The following ZFYVE16 variants were observed in gnomAD, a reference collection of about 807,000 sequenced individuals.
The protein encoded by ZFYVE16 is zinc finger FYVE domain-containing protein 16.
Under a neutral mutation model 138.1 loss-of-function variants are expected in ZFYVE16, and 89 were observed. That is an observed-to-expected ratio of 0.64 (90% confidence interval 0.54 to 0.77). The LOEUF is 0.77. Ranked by LOEUF, ZFYVE16 falls within the 30% of genes least tolerant of loss-of-function variation. ZFYVE16 has a pLI of 0.00. For missense variants in ZFYVE16, 1,793 were observed against 1,786.7 expected, an observed-to-expected ratio of 1.00 and a Z score of -0.06; for synonymous variants, 596 against 618.3, an observed-to-expected ratio of 0.96 and a Z score of 0.53.
Position 80,439,928 on chromosome 5 carries a change from C to A in ZFYVE16, c.2323-8C>A. The A allele has an allele frequency of 1.3e-6, 2 of 1,599,992 alleles. No individual in the cohort carries two copies. Among genetic ancestry groups the A allele is most frequent in the Non-Finnish European group, 1.7e-6 (2 of 1,172,560 alleles). ...ACAAAGACAAATTTGATATTTTATT[C>A]TTTATAGGTATTTTGTGGTGTCTGT... On this transcript the variant is annotated splice_polypyrimidine_tract_variant and splice_region_variant and intron_variant, in intron 4 of 18. Transcript: ENST00000505560.
rs1305471456 is a variant in ZFYVE16, at chr5:80,438,479, A to G, written c.1794A>G (p.Ile598Met). 6.2e-7 allele frequency: 1 copy of G among 1,613,574 alleles called. No individual in the cohort carries two copies. Among genetic ancestry groups the G allele is most frequent in the Non-Finnish European group, 8.5e-7 (1 of 1,179,846 alleles). Residue 598 changes from isoleucine (I) to methionine (M), a missense_variant, in exon 4 of 19, where the codon ATA becomes ATG. By Grantham distance (10) the Ile-to-Met change is conservative. This residue lies in a region of ZFYVE16 where 1,295 missense variants were observed against 1,204.3 expected (regional missense o/e 1.08). Transcript: ENST00000505560. Reference sequence around the variant, plus strand: ...ATGGTATTAATATAATTTGTGAAATAGTTGATAAACAAAATACAATAGAAA... The same window carrying G: ...ATGGTATTAATATAATTTGTGAAATGGTTGATAAACAAAATACAATAGAAA... ...ESHGINIICE[I>M]VDKQNTIENG...
chr5:80,440,022 T>G lies in ZFYVE16; in HGVS notation c.2409T>G (p.Thr803=). 6.2e-7 allele frequency: 1 copy of G among 1,607,954 alleles called. No individual in the cohort carries two copies. The highest frequency in any genetic ancestry group is 8.5e-7 in the Non-Finnish European group (1 of 1,177,134). ...GAGTATGTGTAGTCTGCTATGAAAC[T>G]ATTAGTAAAGGTGAGTATTAACTTG... ...EARVCVVCYE[T]ISKAQAFERM... is the part of the protein sequence containing the mutation. Residue 803 remains threonine, a synonymous_variant, in exon 5 of 19, where the codon ACT becomes ACG. Coordinates refer to ENST00000505560, the MANE Select transcript of ZFYVE16 (RefSeq NM_001284236.3).
At chr5:80,462,570 C>G (rs1377062958) in intron 15 of ZFYVE16, among the ~76,000 whole-genome samples, 53 of 152,188 alleles carry the variant, frequency 3.5e-4, no homozygotes. Flanking sequence ...GGACACAAAG[C>G]CTAACTATAT....
intron 13 of ZFYVE16, 89 bp from the exon 14 acceptor site, chr5:80,456,856 T>C: frequency 7.1e-7 from 1 of 1,412,448 alleles, no homozygotes; most frequent in Non-Finnish European, 9.4e-7. Flanking sequence ...TTGATAATTA[T>C]GAAGCTGGCC....
chr5:80,464,191 T>G (rs1443917024), intron 15 of ZFYVE16, among the ~76,000 whole-genome samples: 1 of 152,136 alleles, frequency 6.6e-6, no homozygotes, highest in Non-Finnish European at 1.5e-5. Flanking sequence ...TAGTCTGTTC[T>G]CATGCTGCTA....
At chr5:80,414,515 C>CA (rs1745919655) in intron 1 of ZFYVE16, among the ~76,000 whole-genome samples, 1 of 152,162 alleles carries the variant, frequency 6.6e-6, no homozygotes, top group South Asian at 2.1e-4. Context: ...CTTGCATGGT[C>CA]AACCATTTTT....
In ZFYVE16 at chr5:80,438,765, A is replaced by G. The variant is rs777405725; in HGVS notation, c.2080A>G (p.Thr694Ala). 5.0e-6 allele frequency: 8 copies of G among 1,614,008 alleles called. No homozygotes were observed. The South Asian group carries it at 8.8e-5, about 18-fold the overall frequency. ...TCCAATCACTTGTGCTATAGATTCT[A>G]CAGCTGATCCACAGGTTAGCTTCAA... is the stretch of plus-strand genomic sequence containing the variant. Reference protein sequence around the residue: ...VVPITCAIDSTADPQVSFNSN... With the variant: ...VVPITCAIDSAADPQVSFNSN... The change falls in exon 4 of 19, where the codon ACA (threonine) becomes GCA (alanine). Residue 694 changes from threonine (T) to alanine (A), a missense_variant. Physicochemically the swap from Thr to Ala is moderately conservative, Grantham distance 58. Around this residue, in one of 2 missense-constraint regions of ZFYVE16, gnomAD observed 1,295 missense variants for 1,204.3 expected, o/e 1.08. Transcript: ENST00000505560.
chr5:80,437,274 C>A lies in ZFYVE16; in HGVS notation c.589C>A (p.Gln197Lys), dbSNP rs1750063860. The stretch of plus-strand genomic sequence containing the variant: ...ACAGAATGATATCAGTTCTGAATTA[C>A]AAAATAGAGAAATCGGAGGAATCAA... ...EQQNDISSEL[Q>K]NREIGGIKEL... The change falls in exon 4 of 19, where the codon CAA becomes AAA. Residue 197 changes from glutamine (Q) to lysine (K), a missense_variant. Physicochemically the swap from Gln to Lys is moderately conservative, Grantham distance 53 (BLOSUM62 1). This residue lies in a region of ZFYVE16 where 1,295 missense variants were observed against 1,204.3 expected (regional missense o/e 1.08). Transcript: ENST00000505560. The A allele has an allele frequency of 6.2e-7, 1 of 1,610,518 alleles. No homozygotes were observed. Among genetic ancestry groups the A allele is most frequent in the African/African-American group, 1.3e-5 (1 of 74,732 alleles).
intron 3 of ZFYVE16, among the ~76,000 whole-genome samples, chr5:80,434,501 A>G (rs186215407): frequency 4.6e-5 from 7 of 152,164 alleles, no homozygotes; most frequent in Non-Finnish European, 7.4e-5. Context: ...TTTTGAGACA[A>G]AGTCTCATTC....
intron 18 of ZFYVE16, among the ~76,000 whole-genome samples, chr5:80,476,226 C>T (rs918215422): frequency 1.3e-5 from 2 of 152,132 alleles, no homozygotes; most frequent in South Asian, 2.1e-4. Context: ...TGTGAGCCAC[C>T]GCACCTGGCC....
chr5:80,424,466 CTT>C (rs70988471), intron 1 of ZFYVE16, among the ~76,000 whole-genome samples: 6 of 144,832 alleles, frequency 4.1e-5, no homozygotes, highest in Admixed American at 1.4e-4. Flanking sequence ...CTCCAAATTC[CTT>C]TTTTTTTTTT....
chr5:80,416,185 G>A (rs182459039), intron 1 of ZFYVE16, among the ~76,000 whole-genome samples: 1 of 151,544 alleles, frequency 6.6e-6, no homozygotes, highest in East Asian at 1.9e-4. Flanking sequence ...TTTTGCGTGG[G>A]AGATTTGTCT....
intron 2 of ZFYVE16, among the ~76,000 whole-genome samples, chr5:80,433,283 T>G (rs964938921): frequency 6.6e-6 from 1 of 152,232 alleles, no homozygotes; most frequent in Admixed American, 6.5e-5. Context: ...TCATGTCATT[T>G]GTAGGGACAT....
chr5:80,438,873 A>G lies in ZFYVE16; in HGVS notation c.2188A>G (p.Thr730Ala), dbSNP rs1750327869. Reference sequence around the variant, plus strand: ...AAATGAAGATTCTGTACCTGAAAACACTTGCAAAGAAGGCTTGGTTTTGGG... The same window carrying G: ...AAATGAAGATTCTGTACCTGAAAACGCTTGCAAAGAAGGCTTGGTTTTGGG... ...TANEDSVPEN[T>A]CKEGLVLGQK... The change falls in exon 4 of 19, where the codon ACT becomes GCT. Residue 730 changes from threonine to alanine, a missense_variant. Physicochemically the swap from Thr to Ala is moderately conservative, Grantham distance 58. Transcript: ENST00000505560. 6.2e-7 allele frequency: 1 copy of G among 1,613,996 alleles called. No homozygotes were observed. Among genetic ancestry groups the G allele is most frequent in the Admixed American group, 1.7e-5 (1 of 59,994 alleles).
Position 80,438,914 on chromosome 5 carries a change from T to C in ZFYVE16, c.2229T>C (p.Thr743=). 1 of 1,614,098 alleles carries C rather than the reference T, an allele frequency of 6.2e-7. No individual in the cohort carries two copies. The highest frequency in any genetic ancestry group is 8.5e-7 in the Non-Finnish European group (1 of 1,179,958). The change falls in exon 4 of 19, where the codon ACT becomes ACC. Residue 743 remains threonine, a synonymous_variant. Transcript: ENST00000505560. ...TGGTTTTGGGCCAGAAACAGCCTAC[T>C]TGGGTTCCTGATTCAGAAGCTCCAA... The part of the protein sequence containing the change: ...EGLVLGQKQP[T]WVPDSEAPNC...
chr5:80,422,830 G>A (rs556465876), intron 1 of ZFYVE16, among the ~76,000 whole-genome samples: 1 of 152,236 alleles, frequency 6.6e-6, no homozygotes, highest in South Asian at 2.1e-4. Flanking sequence ...AGATTATATT[G>A]ATTAATTTTG....
In ZFYVE16 at chr5:80,408,067, C is replaced by G. The variant is rs1052919253; in HGVS notation, c.-180C>G. The G allele has an allele frequency of 2.0e-5, 3 of 152,298 alleles. No individual in the cohort carries two copies. Among genetic ancestry groups the G allele is most frequent in the Non-Finnish European group, 2.9e-5 (2 of 68,110 alleles). The allele number at this position is 152,298 out of a possible 1,614,324, so 9.4% of individuals were successfully genotyped here. ...AAGCCCTGAGCCGGGATCTGGCACTCCCAGGACTCCCGGCCGGGGTAGCTC... is the reference window on the plus strand; with the variant it reads ...AAGCCCTGAGCCGGGATCTGGCACTGCCAGGACTCCCGGCCGGGGTAGCTC... On this transcript the variant is annotated 5_prime_UTR_variant, in exon 1 of 19. Transcript: ENST00000505560.
At chr5:80,412,163 C>G (rs79833331) in intron 1 of ZFYVE16, among the ~76,000 whole-genome samples, 1,838 of 152,228 alleles carry the variant, frequency 0.012, 43 homozygotes, top group African/African-American at 0.043. Context: ...GCCTTCATCT[C>G]TTACCTTAAC....
At chr5:80,468,921 CCTAAT>C (rs1406862880) in intron 15 of ZFYVE16, among the ~76,000 whole-genome samples, 2 of 151,810 alleles carry the variant, frequency 1.3e-5, no homozygotes, top group East Asian at 3.8e-4. Flanking sequence ...GGCTGGGACT[CCTAAT>C]ATAATAGAAG....
Sources: allele counts gnomAD v4.1 joint callset (sites outside exome capture counted in the v4.1 genomes callset), GRCh38; gene constraint gnomAD v4.1.1; regional missense constraint gnomAD v4.1.1; transcripts MANE v1.5; gene names NCBI Gene and HGNC (gene_info 2026-07-23, HGNC 2026-07-21).